SAMD8: variants seen among roughly 807,000 people sequenced by gnomAD.
The protein encoded by SAMD8 is sphingomyelin synthase-related protein 1.
SAMD8 carries 20 observed loss-of-function variants against 42.0 expected under a neutral mutation model. That is an observed-to-expected ratio of 0.48 (90% CI 0.34 to 0.69). The LOEUF (loss-of-function observed/expected upper bound fraction) is 0.69, where lower values mean the gene tolerates loss of function less well. Ranked by LOEUF, SAMD8 falls within the 30% of genes least tolerant of loss-of-function variation. The probability of loss-of-function intolerance (pLI) is 0.01; values close to 1 mark genes in which losing one functional copy is unlikely to be tolerated. For synonymous variants in SAMD8, 162 were observed against 173.0 expected, an observed-to-expected ratio of 0.94 and a Z score of 0.50; for missense variants, 328 against 511.6, an observed-to-expected ratio of 0.64 and a Z score of 3.46.
At chr10:75,145,553 C>G (rs934624484) in intron 1 of SAMD8, among the ~76,000 whole-genome samples, 1 of 152,076 alleles carries the variant, frequency 6.6e-6, no homozygotes, top group Non-Finnish European at 1.5e-5. Flanking sequence ...GAGTTTGATC[C>G]TTTTGAGTCT....
rs1841080834 is a variant in SAMD8, at chr10:75,181,504, TATCTCTGAA to T, written c.*4817_*4825del. ...TACTTTGCTTCAAGTTCTATACAAA[TATCTCTGAA>T]ATCTGTAAGCCATATTTCAGCTATT... On this transcript the variant is annotated 3_prime_UTR_variant, in exon 6 of 6. Transcript: ENST00000542569. 1 of 152,254 alleles carries T rather than the reference TATCTCTGAA, an allele frequency of 6.6e-6. No individual in the cohort carries two copies. The highest frequency in any genetic ancestry group is 2.4e-5 in the African/African-American group (1 of 41,468). 9.4% of individuals were successfully genotyped at this position (152,254 alleles called of 1,614,324 possible).
chr10:75,132,581 C>G (rs1849296435), intron 1 of SAMD8, among the ~76,000 whole-genome samples: 1 of 152,036 alleles, frequency 6.6e-6, no homozygotes, highest in African/African-American at 2.4e-5. Flanking sequence ...ATAAAACTCC[C>G]TGAAGCCGTG....
At chr10:75,101,166 T>C (rs1848134086) in intron 1 of SAMD8, among the ~76,000 whole-genome samples, 1 of 151,974 alleles carries the variant, frequency 6.6e-6, no homozygotes, top group African/African-American at 2.4e-5. Context: ...AGCCTGAGGG[T>C]CTTGGGGAGG....
chr10:75,175,935 G>A (rs566140681), intron 4 of SAMD8, 131 bp from the exon 5 acceptor site: 6 of 1,484,148 alleles, frequency 4.0e-6, no homozygotes, highest in Non-Finnish European at 5.3e-6. Flanking sequence ...TCATTAGACT[G>A]AAGGCCTAGA....
chr10:75,123,330 C>T (rs914270097), intron 1 of SAMD8, among the ~76,000 whole-genome samples: 2 of 152,062 alleles, frequency 1.3e-5, no homozygotes, highest in African/African-American at 2.4e-5. Flanking sequence ...GGTAGTACCT[C>T]GGCAAGGAGC....
chr10:75,100,292 G>C (rs1848076117), intron 1 of SAMD8, among the ~76,000 whole-genome samples: 1 of 152,132 alleles, frequency 6.6e-6, no homozygotes, highest in Admixed American at 6.5e-5. Flanking sequence ...CTCTCCCCTG[G>C]ACTTAGCGCT....
In SAMD8 at chr10:75,176,823, A is replaced by G; in HGVS notation, c.*131A>G. ...TGACAAAGTAAAGTTTTCTGTTCTG[A>G]GCAAAGTTATGATTATAAAAAGCAA... On this transcript the variant is annotated 3_prime_UTR_variant, in exon 6 of 6. Coordinates refer to ENST00000542569, the MANE Select transcript of SAMD8 (RefSeq NM_001174156.2). The surrounding 1 kb of genome is among the most constrained non-coding windows in gnomAD (Gnocchi z 4.3). The G allele has an allele frequency of 3.0e-6, 2 of 663,392 alleles. No individual in the cohort carries two copies. The highest frequency in any genetic ancestry group is 5.0e-6 in the Non-Finnish European group (2 of 399,296). The allele number at this position is 663,392 out of a possible 1,614,324, so 41.1% of individuals were successfully genotyped here.
Position 75,151,041 on chromosome 10 carries a change from T to A in SAMD8, c.513T>A (p.Val171=). The change falls in exon 2 of 6, where the codon GTT becomes GTA. Residue 171 remains valine (V), a synonymous_variant. Transcript: ENST00000542569. The part of the protein sequence containing the change: ...IVFGFTSFIM[V]IVHERVPDMQ... The stretch of plus-strand genomic sequence containing the variant: ...TTGGATTTACATCTTTCATTATGGT[T>A]ATAGTCCATGAGCGAGTGCCTGACA... The A allele has an allele frequency of 6.3e-7, 1 of 1,595,628 alleles. No homozygotes were observed. Among genetic ancestry groups the A allele is most frequent in the Non-Finnish European group, 8.5e-7 (1 of 1,170,120 alleles).
chr10:75,169,829 A>G (rs1181126836), intron 4 of SAMD8, among the ~76,000 whole-genome samples: 1 of 152,164 alleles, frequency 6.6e-6, no homozygotes, highest in Non-Finnish European at 1.5e-5. Context: ...GAGTCACTTG[A>G]ACCCAGGAGG....
chr10:75,150,278 A>AT, intron 1 of SAMD8: 5 of 193,594 alleles, frequency 2.6e-5, no homozygotes, highest in Non-Finnish European at 4.1e-5. Flanking sequence ...CCCAGGCTAA[A>AT]ATTTTTTTTT....
At chr10:75,163,278 A>G (rs531548908) in intron 2 of SAMD8, among the ~76,000 whole-genome samples, 42 of 152,230 alleles carry the variant, frequency 2.8e-4, no homozygotes, top group African/African-American at 8.9e-4. Context: ...TTAACATGTC[A>G]TTGTAGAAAA....
At chr10:75,101,875 G>A in intron 1 of SAMD8, 1 of 1,366,768 alleles carries the variant, frequency 7.3e-7, no homozygotes, top group South Asian at 1.1e-5. Flanking sequence ...ACCTGTGGGA[G>A]TATCTGGCCC....
upstream of SAMD8, chr10:75,108,326 C>CCCAGCAACCT: frequency 6.8e-7 from 1 of 1,460,606 alleles, no homozygotes. Flanking sequence ...AGAGTCCAAC[C>CCCAGCAACCT]CCAGCAAGCT....
intron 1 of SAMD8, among the ~76,000 whole-genome samples, chr10:75,135,302 T>C (rs1379079205): frequency 6.8e-6 from 1 of 147,998 alleles, no homozygotes; most frequent in Admixed American, 6.8e-5. Context: ...AAAATACAAA[T>C]TTAGCTGGGC....
At chr10:75,116,352 C>T (rs1031986496) in intron 1 of SAMD8, among the ~76,000 whole-genome samples, 1 of 152,164 alleles carries the variant, frequency 6.6e-6, no homozygotes, top group Non-Finnish European at 1.5e-5. Flanking sequence ...GCAGTCCTCC[C>T]ACCTCAGCCT....
chr10:75,143,740 T>C (rs1840071863), intron 1 of SAMD8, among the ~76,000 whole-genome samples: 3 of 152,240 alleles, frequency 2.0e-5, no homozygotes, highest in Middle Eastern at 3.4e-3. Flanking sequence ...TTGGTATAGC[T>C]TTCTTCTTGT....
intron 3 of SAMD8, among the ~76,000 whole-genome samples, chr10:75,165,261 C>T (rs769969021): frequency 2.6e-5 from 4 of 152,020 alleles, no homozygotes; most frequent in Non-Finnish European, 5.9e-5. Context: ...CCTTTTCTTT[C>T]CTTAGAAACA....
chr10:75,113,564 T>C (rs1231188371), intron 1 of SAMD8, among the ~76,000 whole-genome samples: 1 of 152,124 alleles, frequency 6.6e-6, no homozygotes, highest in East Asian at 1.9e-4. Context: ...TAAATGGATA[T>C]CTACTGTTTA....
chr10:75,126,793 G>A (rs551351294), intron 1 of SAMD8, among the ~76,000 whole-genome samples: 1 of 151,984 alleles, frequency 6.6e-6, no homozygotes, highest in Admixed American at 6.6e-5. Flanking sequence ...GAGCCACCGG[G>A]TTGGCCGGAT....
Sources: gnomAD v4.1 joint callset for allele counts (sites outside exome capture counted in the v4.1 genomes callset) on GRCh38, gnomAD v4.1.1 for gene constraint, Gnocchi (gnomAD v3.1) non-coding constraint, MANE v1.5 for transcripts, NCBI Gene and HGNC (gene_info 2026-07-23, HGNC 2026-07-21) for gene names.